Variants in KCNK12 observed in about 807,000 individuals in gnomAD.
KCNK12 encodes the protein potassium two pore domain channel subfamily K member 12.
A neutral mutation model predicts 25.3 loss-of-function variants in KCNK12; 6 were observed. The ratio of observed to expected loss-of-function variants is 0.24; its 90% CI spans 0.13 to 0.47. The LOEUF (loss-of-function observed/expected upper bound fraction) is 0.47. Ranked by LOEUF, KCNK12 falls within the 20% of genes least tolerant of loss-of-function variation. The pLI, the probability that KCNK12 is intolerant of heterozygous loss-of-function variation, is 0.99. For missense variants in KCNK12, 444 were observed against 661.7 expected, an observed-to-expected ratio of 0.67 and a Z score of 3.61; for synonymous variants, 331 against 311.1, an observed-to-expected ratio of 1.06 and a Z score of -0.67.
At chr2:47,563,807 G>A (rs988114003) in intron 1 of KCNK12, 5 of 232,846 alleles carry the variant, frequency 2.1e-5, no homozygotes, top group African/African-American at 1.1e-4. Context: ...AATACTCTAG[G>A]AGTGTACCTT....
intron 1 of KCNK12, among the ~76,000 whole-genome samples, chr2:47,549,174 A>G (rs1035344977): frequency 6.6e-6 from 1 of 152,250 alleles, no homozygotes; most frequent in Non-Finnish European, 1.5e-5. Context: ...TCAAAGGAGG[A>G]AAGGTTTCAC....
intron 1 of KCNK12, among the ~76,000 whole-genome samples, chr2:47,527,170 A>C (rs748186233): frequency 6.6e-6 from 1 of 152,194 alleles, no homozygotes; most frequent in Non-Finnish European, 1.5e-5. Flanking sequence ...ATTTTTCTTA[A>C]GAAACCAAAT....
rs981978403 is a variant in KCNK12 at position 47,557,168 on chromosome 2, G to A, written c.391+12773C>T. Among the ~76,000 whole-genome samples, 2 of 152,306 alleles carry A rather than the reference G, an allele frequency of 1.3e-5. No individual in the cohort carries two copies. Among genetic ancestry groups the A allele is most frequent in the Admixed American group, 6.5e-5 (1 of 15,292 alleles). On this transcript the variant is annotated intron_variant, in intron 1 of 1. Transcript: ENST00000327876. This position sits in a 1 kb window ranked among gnomAD's most constrained non-coding sequence, Gnocchi z 4.9. Reference sequence around the variant, plus strand: ...CTTACGTTGAAATCCAATGGCTATTGTAAGACTTTTAAGAGGTGAGAACTT... The same window carrying A: ...CTTACGTTGAAATCCAATGGCTATTATAAGACTTTTAAGAGGTGAGAACTT...
chr2:47,538,079 A>G lies in KCNK12; in HGVS notation c.392-16271T>C, dbSNP rs1237577922. On this transcript the variant is annotated intron_variant, in intron 1 of 1. Coordinates refer to ENST00000327876, the MANE Select transcript of KCNK12 (RefSeq NM_022055.2). The surrounding 1 kb of genome is among the most constrained non-coding windows in gnomAD (Gnocchi z 4.5). ...TATCTAAAGGGCAGAAGAGGAGTCTATGAAGGAGACCACATTCATTCAACA... is the reference window on the plus strand; with the variant it reads ...TATCTAAAGGGCAGAAGAGGAGTCTGTGAAGGAGACCACATTCATTCAACA... Among the ~76,000 whole-genome samples, 1 of 152,216 alleles carries G rather than the reference A, an allele frequency of 6.6e-6. No homozygotes were observed. The highest frequency in any genetic ancestry group is 2.4e-5 in the African/African-American group (1 of 41,450).
At position 47,521,150 on chromosome 2, in the gene KCNK12, G is replaced by C; in HGVS notation, c.1050C>G (p.Ala350=). ...CGTCGCTGTCGCGGGCCGCGGGGTCGGCACCGAGCGCGGCCAGGCGGCGGC... is the reference window on the plus strand; with the variant it reads ...CGTCGCTGTCGCGGGCCGCGGGGTCCGCACCGAGCGCGGCCAGGCGGCGGC... The part of the protein sequence containing the change: ...RLRRRLAALG[A]DPAARDSDAE... Residue 350 remains alanine, a synonymous_variant, in exon 2 of 2, where the codon GCC becomes GCG. Transcript: ENST00000327876. 1 of 1,292,502 alleles carries C rather than the reference G, an allele frequency of 7.7e-7. No homozygotes were observed. The highest frequency in any genetic ancestry group is 2.2e-4 in the Middle Eastern group (1 of 4,594). 80.1% of individuals were successfully genotyped at this position (1,292,502 alleles called of 1,614,324 possible). A position where few individuals can be genotyped will look rare whatever the true frequency, so the allele number is the denominator to read the frequency against.
At position 47,514,489 on chromosome 2, in the gene KCNK12, A is replaced by C. The variant is rs907185163; in HGVS notation, c.*6418T>G. 2.0e-5 allele frequency among the ~76,000 whole-genome samples: 3 copies of C among 152,244 alleles called. No individual in the cohort carries two copies. Among genetic ancestry groups the C allele is most frequent in the Admixed American group, 6.5e-5 (1 of 15,286 alleles). ...CCTCTCTGACCCAAGACAAAATGGGAGGAAAGTGCCAAATTTCCAAGATTG... is the reference window on the plus strand; with the variant it reads ...CCTCTCTGACCCAAGACAAAATGGGCGGAAAGTGCCAAATTTCCAAGATTG... On this transcript the variant is annotated 3_prime_UTR_variant, in exon 2 of 2. Transcript: ENST00000327876. This position sits in a 1 kb window ranked among gnomAD's most constrained non-coding sequence, Gnocchi z 5.0.
intron 1 of KCNK12, chr2:47,564,041 C>G (rs1474624807): frequency 4.3e-6 from 1 of 231,318 alleles, no homozygotes; most frequent in African/African-American, 2.2e-5. Context: ...TTTCTCCACT[C>G]TCCCAGAACT....
chr2:47,570,250 G>GGCAGCA lies in KCNK12; in HGVS notation c.76_81dup (p.Cys26_Cys27dup), dbSNP rs772763752. The GGCAGCA allele has an allele frequency of 4.8e-6, 7 of 1,447,338 alleles. No individual in the cohort carries two copies. The highest frequency in any genetic ancestry group is 1.3e-5 in the South Asian group (1 of 75,034). The allele number at this position is 1,447,338 out of a possible 1,614,324, so 89.7% of individuals were successfully genotyped here. A position where few individuals can be genotyped will look rare whatever the true frequency, so the allele number is the denominator to read the frequency against. On this transcript the variant is annotated inframe_insertion, in exon 1 of 2. Transcript: ENST00000327876. ...GTGTCCTCGTTGAGGTGCGAACGGC[G>GGCAGCA]GCAGCAGCAGCAGCAGCAGGAGGGG...
At position 47,547,260 on chromosome 2, in the gene KCNK12, C is replaced by G. The variant is rs1669334040; in HGVS notation, c.391+22681G>C. Among the ~76,000 whole-genome samples the G allele has an allele frequency of 6.6e-6, 1 of 152,150 alleles. No individual in the cohort carries two copies. Among genetic ancestry groups the G allele is most frequent in the South Asian group, 2.1e-4 (1 of 4,818 alleles). Reference sequence around the variant, plus strand: ...GAACACGCCCTGGGACTCTGTGGTTCTAACCTTGACAGCAACTGAAATTAC... The same window carrying G: ...GAACACGCCCTGGGACTCTGTGGTTGTAACCTTGACAGCAACTGAAATTAC... On this transcript the variant is annotated intron_variant, in intron 1 of 1. Coordinates refer to ENST00000327876, the MANE Select transcript of KCNK12 (RefSeq NM_022055.2). This position sits in a 1 kb window ranked among gnomAD's most constrained non-coding sequence, Gnocchi z 5.0.
Position 47,565,998 on chromosome 2 carries a change from G to A in KCNK12, c.391+3943C>T, listed in dbSNP as rs534780718. ...CTTGATTTCAACCCCCAGGGAATAT[G>A]TCACATAGCATAAATGGGAGAAATA... On this transcript the variant is annotated intron_variant, in intron 1 of 1. Transcript: ENST00000327876. The surrounding 1 kb of genome is among the most constrained non-coding windows in gnomAD (Gnocchi z 5.0). The A allele has an allele frequency of 1.1e-4, 16 of 152,332 alleles. No individual in the cohort carries two copies. Among genetic ancestry groups the A allele is most frequent in the Admixed American group, 2.0e-4 (3 of 15,300 alleles). 9.4% of individuals were successfully genotyped at this position (152,332 alleles called of 1,614,324 possible).
At position 47,512,413 on chromosome 2, in the gene KCNK12, G is replaced by C. The variant is rs945596538; in HGVS notation, c.*8494C>G. 3.7e-6 allele frequency: 6 copies of C among 1,609,506 alleles called. No individual in the cohort carries two copies. In the East Asian group the frequency reaches 1.3e-4, roughly 36 times the overall value. On this transcript the variant is annotated 3_prime_UTR_variant, in exon 2 of 2. Transcript: ENST00000327876. ...GCAGTCGGCCAGAGAGACAGAACCA[G>C]GGCAGTGGTGAGCTCTCATGACCTG...
chr2:47,522,197 T>C (rs1019850290), intron 1 of KCNK12, among the ~76,000 whole-genome samples: 1 of 152,216 alleles, frequency 6.6e-6, no homozygotes, highest in Non-Finnish European at 1.5e-5. Flanking sequence ...CTCCAAATTT[T>C]TTTTTAAAAA....
chr2:47,570,851 G>C lies in KCNK12; in HGVS notation c.-520C>G, dbSNP rs915255115. ...GCGCCTCCTAGGTGCGGGCTGTGCG[G>C]GCAGTCCTGCTCCCGCCCCCGGGGC... On this transcript the variant is annotated 5_prime_UTR_variant, in exon 1 of 2. Coordinates refer to ENST00000327876, the MANE Select transcript of KCNK12 (RefSeq NM_022055.2). 6.6e-6 allele frequency: 1 copy of C among 152,166 alleles called. No individual in the cohort carries two copies. Among genetic ancestry groups the C allele is most frequent in the Admixed American group, 6.5e-5 (1 of 15,274 alleles). 9.4% of individuals were successfully genotyped at this position (152,166 alleles called of 1,614,324 possible). A position where few individuals can be genotyped will look rare whatever the true frequency, so the allele number is the denominator to read the frequency against.
At position 47,521,485 on chromosome 2, in the gene KCNK12, C is replaced by T. The variant is rs780898451; in HGVS notation, c.715G>A (p.Glu239Lys). 1 of 1,607,234 alleles carries T rather than the reference C, an allele frequency of 6.2e-7. No homozygotes were observed. Among genetic ancestry groups the T allele is most frequent in the Non-Finnish European group, 8.5e-7 (1 of 1,177,038 alleles). The change falls in exon 2 of 2, where the codon GAG becomes AAG. Residue 239 changes from glutamate to lysine, a missense_variant. Glu to Lys is a moderately conservative substitution (Grantham distance 56). Around this residue, in one of 8 missense-constraint regions of KCNK12, gnomAD observed 56 missense variants for 135.7 expected, o/e 0.41. Coordinates refer to ENST00000327876, the MANE Select transcript of KCNK12 (RefSeq NM_022055.2). ...CCASAMYTSV[E>K]GWDYVDSLYF... Reference sequence around the variant, plus strand: ...AGCGAGTCCACGTAGTCCCAGCCCTCCACGCTGGTGTACATGGCCGAGGCG... The same window carrying T: ...AGCGAGTCCACGTAGTCCCAGCCCTTCACGCTGGTGTACATGGCCGAGGCG...
Position 47,533,057 on chromosome 2 carries a change from C to A in KCNK12, c.392-11249G>T, listed in dbSNP as rs897712255. 2.6e-5 allele frequency among the ~76,000 whole-genome samples: 4 copies of A among 152,174 alleles called. No homozygotes were observed. The highest frequency in any genetic ancestry group is 4.4e-5 in the Non-Finnish European group (3 of 68,032). ...AGACAGGCTCACTCTGTCGCCCAGG[C>A]TGGAGTGCAGTGGTGTGATCTTGGC... is the stretch of plus-strand genomic sequence containing the variant. On this transcript the variant is annotated intron_variant, in intron 1 of 1. Transcript: ENST00000327876. The surrounding 1 kb of genome is among the most constrained non-coding windows in gnomAD (Gnocchi z 4.7).
chr2:47,549,803 G>A (rs921075944), intron 1 of KCNK12, among the ~76,000 whole-genome samples: 21 of 152,072 alleles, frequency 1.4e-4, no homozygotes, highest in Admixed American at 5.2e-4. Flanking sequence ...GCGCAGTGGC[G>A]GGCGCCTGTA....
chr2:47,545,495 C>T (rs56986500), intron 1 of KCNK12, among the ~76,000 whole-genome samples: 3,275 of 152,314 alleles, frequency 0.022, 140 homozygotes, highest in Admixed American at 0.1. Context: ...TTTCCCAATT[C>T]AGTCATTTAT....
In KCNK12 at chr2:47,521,105, CGA is replaced by C; in HGVS notation, c.1093_1094del (p.Ser365GlyfsTer97). The part of the protein sequence containing the change: ...RDSDAEGRRL[S>X]GELISMRDLT... ...GGTCGCGCATGGAGATGAGCTCGCC[CGA>C]GAGGCGGCGGCCCTCGGCGTCGCTG... is the stretch of plus-strand genomic sequence containing the variant. On this transcript the variant is annotated frameshift_variant, in exon 2 of 2. Coordinates refer to ENST00000327876, the MANE Select transcript of KCNK12 (RefSeq NM_022055.2). LOFTEE classifies it high-confidence loss of function. 1 of 1,292,048 alleles carries C rather than the reference CGA, an allele frequency of 7.7e-7. No homozygotes were observed. Among genetic ancestry groups the C allele is most frequent in the Non-Finnish European group, 9.8e-7 (1 of 1,020,848 alleles). 80.0% of individuals were successfully genotyped at this position (1,292,048 alleles called of 1,614,324 possible).
At chr2:47,559,334 G>T (rs1340611808) in intron 1 of KCNK12, among the ~76,000 whole-genome samples, 1 of 152,202 alleles carries the variant, frequency 6.6e-6, no homozygotes, top group East Asian at 1.9e-4. Flanking sequence ...CTGTAGGAGT[G>T]GGGAGCCCAG....
Sources: allele counts gnomAD v4.1 joint callset (sites outside exome capture counted in the v4.1 genomes callset), GRCh38; gene constraint gnomAD v4.1.1; regional missense constraint gnomAD v4.1.1; non-coding constraint Gnocchi (gnomAD v3.1); transcripts MANE v1.5; gene names NCBI Gene and HGNC (gene_info 2026-07-23, HGNC 2026-07-21).